The following PDE1C variants were observed in gnomAD, a reference collection of about 807,000 sequenced individuals.
PDE1C encodes dual specificity calcium/calmodulin-dependent 3',5'-cyclic nucleotide phosphodiesterase 1C.
In PDE1C, 62 loss-of-function variants were observed where a neutral mutation model predicts 93.1. The ratio of observed to expected loss-of-function variants is 0.67; its 90% CI spans 0.54 to 0.82. The LOEUF (loss-of-function observed/expected upper bound fraction) is 0.82. Ranked by LOEUF, PDE1C falls within the 40% of genes least tolerant of loss-of-function variation. The pLI, the probability that PDE1C is intolerant of heterozygous loss-of-function variation, is 0.00. For missense variants in PDE1C, 742 were observed against 884.6 expected (o/e 0.84, Z 2.04); for synonymous variants, 325 against 310.1 (o/e 1.05, Z -0.50).
At chr7:31,837,400 C>T in intron 10 of PDE1C, 100 bp from the exon 11 acceptor site, 8 of 1,094,756 alleles carry the variant, frequency 7.3e-6, no homozygotes, top group Non-Finnish European at 9.9e-6. Context: ...TTTTGTTCTT[C>T]CATCTCAAAC....
chr7:32,411,160 A>G (rs1001249287), intron 1 of PDE1C, among the ~76,000 whole-genome samples: 7 of 152,212 alleles, frequency 4.6e-5, no homozygotes, highest in African/African-American at 1.7e-4. Flanking sequence ...TAGACTTTTA[A>G]CTCACATGGT....
rs565259759 is a variant in PDE1C, at chr7:32,204,804, C to T, written c.136+4685G>A. 2.0e-5 allele frequency among the ~76,000 whole-genome samples: 3 copies of T among 152,316 alleles called. No homozygotes were observed. The East Asian group carries it at 5.8e-4, about 29-fold the overall frequency. On this transcript the variant is annotated intron_variant, in intron 2 of 18. Coordinates refer to the PDE1C transcript ENST00000396193. The stretch of plus-strand genomic sequence containing the variant: ...TGAATTCACCTCCACACCAGGCTGG[C>T]TGAAGCGTCCCCGTTCTGACTCTCC...
At chr7:31,721,502 T>C in the PDE1C span, among the ~76,000 whole-genome samples, 3 of 152,176 alleles carry the variant, frequency 2.0e-5, no homozygotes, top group African/African-American at 7.2e-5. Context: ...ACCACAGATT[T>C]GGAACATTAA....
intron 11 of PDE1C, among the ~76,000 whole-genome samples, chr7:31,833,799 T>C (rs958484033): frequency 6.6e-6 from 1 of 152,172 alleles, no homozygotes; most frequent in East Asian, 1.9e-4. Context: ...TTCAGAAAAT[T>C]TGCAGCCTGA....
intron 1 of PDE1C, among the ~76,000 whole-genome samples, chr7:32,231,466 G>A (rs1807684780): frequency 1.3e-5 from 2 of 152,050 alleles, no homozygotes; most frequent in Non-Finnish European, 2.9e-5. Flanking sequence ...TTCAAAAAGA[G>A]ATGGAAATAC....
intron 3 of PDE1C, among the ~76,000 whole-genome samples, chr7:31,879,938 G>T (rs554980502): frequency 5.3e-5 from 8 of 151,992 alleles, no homozygotes; most frequent in Admixed American, 3.3e-4. Context: ...TACCAATTGG[G>T]GTGGAGGTAA....
chr7:31,935,594 C>A (rs1804934808), intron 2 of PDE1C, among the ~76,000 whole-genome samples: 1 of 152,174 alleles, frequency 6.6e-6, no homozygotes, highest in Non-Finnish European at 1.5e-5. Context: ...CCAGCACCCA[C>A]TCTGCAGCAG....
chr7:31,890,820 A>T (rs1283468594), intron 2 of PDE1C, among the ~76,000 whole-genome samples: 1 of 151,488 alleles, frequency 6.6e-6, no homozygotes, highest in Non-Finnish European at 1.5e-5. Flanking sequence ...AAATTATAGG[A>T]AAAAAACCTC....
intron 1 of PDE1C, among the ~76,000 whole-genome samples, chr7:32,370,683 T>G (rs1784314551): frequency 6.6e-6 from 1 of 152,030 alleles, no homozygotes; most frequent in African/African-American, 2.4e-5. Context: ...AAATACCTAA[T>G]GTAAATGACC....
At chr7:31,646,838 A>G in the PDE1C span, among the ~76,000 whole-genome samples, 1 of 152,174 alleles carries the variant, frequency 6.6e-6, no homozygotes, top group Admixed American at 6.5e-5. Flanking sequence ...CTTGTCTCCT[A>G]TTGCCTTCAC....
At chr7:31,716,881 C>T in the PDE1C span, among the ~76,000 whole-genome samples, 5 of 152,180 alleles carry the variant, frequency 3.3e-5, no homozygotes, top group Non-Finnish European at 4.4e-5. Context: ...GAGAGACCCT[C>T]GCTGCAGAGC....
intron 2 of PDE1C, among the ~76,000 whole-genome samples, chr7:32,003,743 T>G (rs1785783731): frequency 6.6e-6 from 1 of 152,210 alleles, no homozygotes; most frequent in South Asian, 2.1e-4. Flanking sequence ...AGCCATTCAT[T>G]CATGTTCTAG....
At chr7:32,096,806 C>T (rs1797767541) in intron 3 of PDE1C, among the ~76,000 whole-genome samples, 1 of 125,406 alleles carries the variant, frequency 8.0e-6, no homozygotes, top group Non-Finnish European at 1.7e-5. Flanking sequence ...GAATCAGAAC[C>T]AGTAGGGGAT....
chr7:32,263,262 C>A (rs530410874), intron 1 of PDE1C, among the ~76,000 whole-genome samples: 1 of 152,158 alleles, frequency 6.6e-6, no homozygotes, highest in African/African-American at 2.4e-5. Context: ...ATACACTTTA[C>A]GCAGATTCAC....
Position 32,293,962 on chromosome 7 carries a change from G to A in PDE1C, c.85+4689C>T, listed in dbSNP as rs145525607. On this transcript the variant is annotated intron_variant, in intron 1 of 18. Transcript: ENST00000396193. ...GAGACCAGTCTGGGCTCAGAAAGTCGTCAACCATATGCCCCAGGGGAGGCC... is the reference window on the plus strand; with the variant it reads ...GAGACCAGTCTGGGCTCAGAAAGTCATCAACCATATGCCCCAGGGGAGGCC... Among the ~76,000 whole-genome samples, 46 of 152,250 alleles carry A rather than the reference G, an allele frequency of 3.0e-4. 1 individual carries two copies. In the East Asian group the frequency reaches 3.9e-3, roughly 13 times the overall value.
chr7:31,651,009 C>G, the PDE1C span: 1 of 928,314 alleles, frequency 1.1e-6, no homozygotes, highest in Admixed American at 2.7e-5. Context: ...TTCCTATTCC[C>G]TCCCCCTTAT....
the PDE1C span, among the ~76,000 whole-genome samples, chr7:31,715,321 C>A: frequency 2.6e-5 from 4 of 152,226 alleles, no homozygotes; most frequent in African/African-American, 7.2e-5. Context: ...TCACTGCAAC[C>A]TCTGCCTCCC....
intron 1 of PDE1C, among the ~76,000 whole-genome samples, chr7:32,359,275 G>C (rs1367719721): frequency 6.6e-6 from 1 of 152,080 alleles, no homozygotes; most frequent in African/African-American, 2.4e-5. Context: ...ATTCAGAATT[G>C]AGCTCAGTTC....
intron 1 of PDE1C, among the ~76,000 whole-genome samples, chr7:32,323,619 C>A (rs1783344819): frequency 6.6e-6 from 1 of 152,118 alleles, no homozygotes; most frequent in Admixed American, 6.5e-5. Flanking sequence ...ATGGAGATGT[C>A]AACCACGGAA....
Sources: allele counts gnomAD v4.1 joint callset (sites outside exome capture counted in the v4.1 genomes callset), GRCh38; gene constraint gnomAD v4.1.1; transcripts MANE v1.5; gene names NCBI Gene and HGNC (gene_info 2026-07-23, HGNC 2026-07-21).